ASB1: variants seen among roughly 807,000 people sequenced by gnomAD.
The protein encoded by ASB1 is ankyrin repeat and SOCS box protein 1.
Under a neutral mutation model 27.7 loss-of-function variants are expected in ASB1, and 18 were observed. That is an observed-to-expected ratio of 0.65 (90% CI 0.45 to 0.96). ASB1 has a LOEUF of 0.96. Ranked by LOEUF, ASB1 falls within the 50% of genes least tolerant of loss-of-function variation. The pLI is 0.00. For synonymous variants in ASB1, 189 were observed against 187.6 expected (o/e 1.01, Z -0.06); for missense variants, 397 against 451.7 (o/e 0.88, Z 1.10).
chr2:238,441,137 A>T lies in ASB1; in HGVS notation c.495-3205A>T, dbSNP rs1310030391. 4.2e-5 allele frequency among the ~76,000 whole-genome samples: 6 copies of T among 141,926 alleles called. No homozygotes were observed. The South Asian group carries it at 1.1e-3, about 26-fold the overall frequency. 93.1% of individuals were successfully genotyped at this position (141,926 alleles called of 152,430 possible). A position where few individuals can be genotyped will look rare whatever the true frequency, so the allele number is the denominator to read the frequency against. ...GTTCATGCGTTTCTTTTTGCTTTCA[A>T]TTTTTTTTTTTTTTTTTGAGATGGA... On this transcript the variant is annotated intron_variant, in intron 3 of 4. Transcript: ENST00000264607.
In ASB1 at chr2:238,449,449, C is replaced by A. The variant is rs1300453919; in HGVS notation, c.*2938C>A. ...GCATCCCAGAAGCATCTGACTGTCA[C>A]CACTGCCAGTGGCTGTGGAACAGTC... On this transcript the variant is annotated 3_prime_UTR_variant, in exon 5 of 5. Coordinates refer to ENST00000264607, the MANE Select transcript of ASB1 (RefSeq NM_001040445.3). The A allele has an allele frequency of 1.3e-5, 2 of 152,538 alleles. No individual in the cohort carries two copies. The highest frequency in any genetic ancestry group is 4.8e-5 in the African/African-American group (2 of 41,450). The allele number at this position is 152,538 out of a possible 1,614,324, so 9.4% of individuals were successfully genotyped here. A position where few individuals can be genotyped will look rare whatever the true frequency, so the allele number is the denominator to read the frequency against.
chr2:238,435,621 C>T (rs966084924), intron 2 of ASB1, 90 bp from the exon 3 acceptor site: 21 of 1,341,700 alleles, frequency 1.6e-5, no homozygotes, highest in African/African-American at 4.4e-5. Flanking sequence ...AGAGGGGGAC[C>T]GTGTCCATGC....
At chr2:238,431,193 C>T (rs1701866112) in intron 1 of ASB1, among the ~76,000 whole-genome samples, 1 of 152,254 alleles carries the variant, frequency 6.6e-6, no homozygotes, top group Admixed American at 6.5e-5. Flanking sequence ...TTAGCCGTGT[C>T]TTCTGGATAA....
intron 3 of ASB1, among the ~76,000 whole-genome samples, chr2:238,437,038 G>T (rs1701985803): frequency 6.6e-6 from 1 of 152,104 alleles, no homozygotes; most frequent in Non-Finnish European, 1.5e-5. Context: ...AGTTTCAGTA[G>T]TTCTGTTTGT....
chr2:238,438,357 G>T (rs1231397935), intron 3 of ASB1, among the ~76,000 whole-genome samples: 1 of 151,904 alleles, frequency 6.6e-6, no homozygotes, highest in Non-Finnish European at 1.5e-5. Flanking sequence ...CCACCACCAT[G>T]CCCGGCTATT....
chr2:238,449,256 TCCGC>T lies in ASB1; in HGVS notation c.*2747_*2750del, dbSNP rs1702235013. ...TTACAGAATAGGAAGAGTAGCACTT[TCCGC>T]CTAAGCACTTTAGGAAATCACCTTT... On this transcript the variant is annotated 3_prime_UTR_variant, in exon 5 of 5. Coordinates refer to ENST00000264607, the MANE Select transcript of ASB1 (RefSeq NM_001040445.3). 6.6e-6 allele frequency: 1 copy of T among 152,260 alleles called. No individual in the cohort carries two copies. Among genetic ancestry groups the T allele is most frequent in the Admixed American group, 6.5e-5 (1 of 15,290 alleles). The allele number at this position is 152,260 out of a possible 1,614,324, so 9.4% of individuals were successfully genotyped here. A position where few individuals can be genotyped will look rare whatever the true frequency, so the allele number is the denominator to read the frequency against.
chr2:238,440,186 C>T (rs549634317), intron 3 of ASB1, among the ~76,000 whole-genome samples: 226 of 152,266 alleles, frequency 1.5e-3, no homozygotes, highest in African/African-American at 5.3e-3. Flanking sequence ...AGTCATTTCT[C>T]CTAGGAGTCC....
intron 4 of ASB1, 95 bp from the exon 5 acceptor site, chr2:238,446,289 G>A (rs1702178659): frequency 7.1e-7 from 1 of 1,403,274 alleles, no homozygotes. Flanking sequence ...GAGCATTGGT[G>A]CACTTCTGGC....
At position 238,446,600 on chromosome 2, in the gene ASB1, TCTC is replaced by T. The variant is rs1377967282; in HGVS notation, c.*92_*94del. The T allele has an allele frequency of 6.6e-7, 1 of 1,519,814 alleles. No homozygotes were observed. Among genetic ancestry groups the T allele is most frequent in the Middle Eastern group, 2.0e-4 (1 of 4,958 alleles). The allele number at this position is 1,519,814 out of a possible 1,614,324, so 94.1% of individuals were successfully genotyped here. On this transcript the variant is annotated 3_prime_UTR_variant, in exon 5 of 5. Transcript: ENST00000264607. The stretch of plus-strand genomic sequence containing the variant: ...GCCCTGAGTGCTGTGCTGCTGCTGG[TCTC>T]CTGATGGCTGTTGCTGCAGAAGATG...
At position 238,446,738 on chromosome 2, in the gene ASB1, C is replaced by G; in HGVS notation, c.*227C>G. ...GTTATTATTGTTTTTCCCAAGTTCT[C>G]TGTTCTGGATTTTCAGTTGCATATT... is the stretch of plus-strand genomic sequence containing the variant. On this transcript the variant is annotated 3_prime_UTR_variant, in exon 5 of 5. Coordinates refer to ENST00000264607, the MANE Select transcript of ASB1 (RefSeq NM_001040445.3). 1.9e-6 allele frequency: 1 copy of G among 530,276 alleles called. No individual in the cohort carries two copies. The highest frequency in any genetic ancestry group is 3.3e-6 in the Non-Finnish European group (1 of 299,294). 32.8% of individuals were successfully genotyped at this position (530,276 alleles called of 1,614,324 possible).
chr2:238,444,815 A>G, intron 4 of ASB1, 88 bp downstream of exon 4: 1 of 1,435,548 alleles, frequency 7.0e-7, no homozygotes, highest in South Asian at 1.5e-5. Flanking sequence ...AAAAACCTCC[A>G]CCTGAGCACT....
chr2:238,441,756 A>G (rs1412082938), intron 3 of ASB1, among the ~76,000 whole-genome samples: 2 of 152,236 alleles, frequency 1.3e-5, no homozygotes, highest in Non-Finnish European at 2.9e-5. Context: ...TACTGTCTCC[A>G]GCTGTTAGGG....
chr2:238,439,176 G>T (rs765735487), intron 3 of ASB1, among the ~76,000 whole-genome samples: 1 of 152,152 alleles, frequency 6.6e-6, no homozygotes, highest in African/African-American at 2.4e-5. Context: ...TTTCTTGTTG[G>T]CTCTGTGTGT....
rs952652173 is a variant in ASB1 at position 238,447,182 on chromosome 2, A to G, written c.*671A>G. The G allele has an allele frequency of 1.3e-5, 2 of 152,684 alleles. No individual in the cohort carries two copies. The highest frequency in any genetic ancestry group is 2.9e-5 in the Non-Finnish European group (2 of 68,226). The allele number at this position is 152,684 out of a possible 1,614,324, so 9.5% of individuals were successfully genotyped here. ...ATTTTTCTGCCACTTCACCTTAGGGAGCTTCCAGTGATTGATTTTAGGAGG... is the reference window on the plus strand; with the variant it reads ...ATTTTTCTGCCACTTCACCTTAGGGGGCTTCCAGTGATTGATTTTAGGAGG... On this transcript the variant is annotated 3_prime_UTR_variant, in exon 5 of 5. Coordinates refer to ENST00000264607, the MANE Select transcript of ASB1 (RefSeq NM_001040445.3).
At chr2:238,439,544 G>A (rs1046375127) in intron 3 of ASB1, among the ~76,000 whole-genome samples, 6 of 152,156 alleles carry the variant, frequency 3.9e-5, no homozygotes, top group African/African-American at 1.2e-4. Flanking sequence ...TTCTGGTCCC[G>A]TCATCGCTGC....
Position 238,451,108 on chromosome 2 carries a change from T to C in ASB1, c.*4597T>C, listed in dbSNP as rs1702275750. The C allele has an allele frequency of 7.3e-6, 1 of 136,954 alleles. No individual in the cohort carries two copies. Among genetic ancestry groups the C allele is most frequent in the South Asian group, 2.2e-4 (1 of 4,494 alleles). The allele number at this position is 136,954 out of a possible 1,614,324, so 8.5% of individuals were successfully genotyped here. A position where few individuals can be genotyped will look rare whatever the true frequency, so the allele number is the denominator to read the frequency against. On this transcript the variant is annotated 3_prime_UTR_variant, in exon 5 of 5. Transcript: ENST00000264607. ...TCAGTGTGGAATGAAACAGTTTAGA[T>C]GTGTACATGATGCACGTGGGTGGGA...
chr2:238,432,922 ATT>A (rs949522471), intron 1 of ASB1, among the ~76,000 whole-genome samples: 1 of 150,690 alleles, frequency 6.6e-6, no homozygotes, highest in Non-Finnish European at 1.5e-5. Flanking sequence ...AATTTTTTGT[ATT>A]TTCAGTAGAG....
intron 2 of ASB1, among the ~76,000 whole-genome samples, chr2:238,434,953 C>T (rs911902009): frequency 2.0e-5 from 3 of 152,218 alleles, no homozygotes; most frequent in East Asian, 1.9e-4. Flanking sequence ...GGAGGAGCCC[C>T]GAGGGCTGGC....
At chr2:238,441,557 C>T (rs904078248) in intron 3 of ASB1, among the ~76,000 whole-genome samples, 3 of 152,180 alleles carry the variant, frequency 2.0e-5, no homozygotes, top group African/African-American at 4.8e-5. Flanking sequence ...CAACCTCCTC[C>T]CCCACAGAAA....
Sources: gnomAD v4.1 joint callset for allele counts (sites outside exome capture counted in the v4.1 genomes callset) on GRCh38, gnomAD v4.1.1 for gene constraint, MANE v1.5 for transcripts, NCBI Gene and HGNC (gene_info 2026-07-23, HGNC 2026-07-21) for gene names.